The following ATP11A variants were observed in gnomAD, a reference collection of about 807,000 sequenced individuals.
The protein encoded by ATP11A is phospholipid-transporting ATPase IH.
In ATP11A, 81 loss-of-function variants were observed where a neutral mutation model predicts 154.4. The ratio of observed to expected loss-of-function variants is 0.52; its 90% CI spans 0.44 to 0.63. The LOEUF is 0.63. ATP11A is among the 30% of genes least tolerant of loss of function. The probability of loss-of-function intolerance (pLI) is 0.00; values close to 1 mark genes in which losing one functional copy is unlikely to be tolerated. For missense variants in ATP11A, 1,316 were observed against 1,474.3 expected (o/e 0.89, Z 1.76); for synonymous variants, 623 against 585.9 (o/e 1.06, Z -0.91).
At position 112,883,250 on chromosome 13, in the gene ATP11A, G is replaced by A; in HGVS notation, c.*1384G>A. On this transcript the variant is annotated 3_prime_UTR_variant, in exon 30 of 30. Coordinates refer to ENST00000375645, the MANE Select transcript of ATP11A (RefSeq NM_015205.3). Reference sequence around the variant, plus strand: ...CTCTGGGTGGGTTAGCAACCCCAGGGCTGCTGTGATAGGAAGTCCCTGTTG... The same window carrying A: ...CTCTGGGTGGGTTAGCAACCCCAGGACTGCTGTGATAGGAAGTCCCTGTTG... 1.0e-5 allele frequency: 4 copies of A among 398,704 alleles called. No individual in the cohort carries two copies. Among genetic ancestry groups the A allele is most frequent in the Non-Finnish European group, 1.8e-5 (4 of 226,132 alleles). The allele number at this position is 398,704 out of a possible 1,614,324, so 24.7% of individuals were successfully genotyped here.
At chr13:112,706,083 ACT>A (rs1202343516) in intron 1 of ATP11A, among the ~76,000 whole-genome samples, 1 of 151,852 alleles carries the variant, frequency 6.6e-6, no homozygotes, top group Non-Finnish European at 1.5e-5. Context: ...TTTGGGCAAC[ACT>A]CTTTTTTTTC....
chr13:112,709,670 C>T (rs566377096), intron 1 of ATP11A, among the ~76,000 whole-genome samples: 29 of 152,246 alleles, frequency 1.9e-4, no homozygotes, highest in African/African-American at 6.7e-4. Flanking sequence ...CCTGGAAGCC[C>T]CTCGCTTTGA....
intron 1 of ATP11A, among the ~76,000 whole-genome samples, chr13:112,691,857 C>G (rs1396476216): frequency 6.6e-6 from 1 of 151,958 alleles, no homozygotes; most frequent in East Asian, 1.9e-4. Context: ...CACCTTACAT[C>G]GTTTCCTGAT....
chr13:112,763,221 C>T (rs1214892211), intron 1 of ATP11A, among the ~76,000 whole-genome samples: 2 of 152,164 alleles, frequency 1.3e-5, no homozygotes, highest in Non-Finnish European at 2.9e-5. Flanking sequence ...TCTAAGCCCC[C>T]AACCAACGGA....
At chr13:112,819,546 CA>C in intron 7 of ATP11A, 139 bp downstream of exon 7, 1 of 694,440 alleles carries the variant, frequency 1.4e-6, no homozygotes. Context: ...AAGACTGAGT[CA>C]AAAATACATT....
rs59674549 is a variant in ATP11A, at chr13:112,885,605, C to CAT, written c.*3739_*3740insAT. Reference sequence around the variant, plus strand: ...CGTCTCCCACACGTGAGCTCCCACACGTACACATGCACATGTACGCACCAC... The same window carrying CAT: ...CGTCTCCCACACGTGAGCTCCCACACATGTACACATGCACATGTACGCACCAC... On this transcript the variant is annotated 3_prime_UTR_variant, in exon 30 of 30. Transcript: ENST00000375645. 1 allele frequency: 152,042 copies of CAT among 152,250 alleles called. 75,917 individuals carry two copies. The highest frequency in any genetic ancestry group is 1 in the Middle Eastern group (294 of 294). 9.4% of individuals were successfully genotyped at this position (152,250 alleles called of 1,614,324 possible).
chr13:112,860,559 C>T, intron 24 of ATP11A, 145 bp downstream of exon 24: 1 of 907,078 alleles, frequency 1.1e-6, no homozygotes. Flanking sequence ...TGATCAGGAG[C>T]TTGTTTAAAC....
intron 4 of ATP11A, among the ~76,000 whole-genome samples, chr13:112,809,457 C>T (rs372077965): frequency 2.6e-5 from 4 of 152,148 alleles, no homozygotes; most frequent in Admixed American, 1.3e-4. Flanking sequence ...GGAGGAGGTC[C>T]CCAGTGAGCC....
At chr13:112,819,799 A>G (rs2078746970) in intron 7 of ATP11A, 101 bp from the exon 8 acceptor site, 2 of 1,242,530 alleles carry the variant, frequency 1.6e-6, no homozygotes, top group Non-Finnish European at 2.3e-6. Flanking sequence ...GGAGCGGGCC[A>G]GGTGAAGACG....
At chr13:112,802,377 A>G (rs1030258795) in intron 2 of ATP11A, among the ~76,000 whole-genome samples, 1 of 152,028 alleles carries the variant, frequency 6.6e-6, no homozygotes, top group African/African-American at 2.4e-5. Flanking sequence ...AGACAAATAG[A>G]TCAATGAAAC....
chr13:112,694,078 G>A (rs1459910543), intron 1 of ATP11A, among the ~76,000 whole-genome samples: 11 of 152,220 alleles, frequency 7.2e-5, no homozygotes, highest in Non-Finnish European at 1.3e-4. Context: ...CAGCCTCAGC[G>A]GGTAGCTTAG....
Position 112,775,610 on chromosome 13 carries a change from A to T in ATP11A, c.40-9525A>T, listed in dbSNP as rs192110390. ...ATTTTAAATTTATTTCTGTAAGAAA[A>T]AAATTGGTTGGTACAAATATAGCAA... On this transcript the variant is annotated intron_variant, in intron 1 of 29. Transcript: ENST00000375645. Among the ~76,000 whole-genome samples the T allele has an allele frequency of 1.6e-3, 246 of 152,392 alleles. 1 individual carries two copies. Among genetic ancestry groups the T allele is most frequent in the African/African-American group, 4.2e-3 (175 of 41,592 alleles).
At chr13:112,879,906 G>C (rs2080835684) in intron 29 of ATP11A, among the ~76,000 whole-genome samples, 1 of 152,200 alleles carries the variant, frequency 6.6e-6, no homozygotes, top group Non-Finnish European at 1.5e-5. Flanking sequence ...ATATGCCCGT[G>C]CTGGCATCTC....
rs559347425 is a variant in ATP11A at position 112,779,969 on chromosome 13, CATT to C, written c.40-5164_40-5162del. 4.4e-3 allele frequency among the ~76,000 whole-genome samples: 669 copies of C among 151,828 alleles called. 7 individuals are homozygous for C. Among genetic ancestry groups the C allele is most frequent in the African/African-American group, 0.015 (625 of 41,422 alleles). ...AGGTAGTAAAGAAAATCACTTGAGT[CATT>C]AAAGCATTAAACCAAAGGCAAGCTG... On this transcript the variant is annotated intron_variant, in intron 1 of 29. Coordinates refer to ENST00000375645, the MANE Select transcript of ATP11A (RefSeq NM_015205.3).
chr13:112,809,841 A>G (rs771136480), intron 4 of ATP11A, among the ~76,000 whole-genome samples: 53 of 152,298 alleles, frequency 3.5e-4, no homozygotes, highest in Non-Finnish European at 5.0e-4. Context: ...GCTTCTTTCA[A>G]GATGCCACCT....
intron 1 of ATP11A, among the ~76,000 whole-genome samples, chr13:112,707,216 G>C (rs1330105001): frequency 6.6e-6 from 1 of 152,142 alleles, no homozygotes; most frequent in Non-Finnish European, 1.5e-5. Context: ...AGGCGTTTGA[G>C]ACCAGCCTGG....
chr13:112,832,116 G>A (rs1233214014), intron 13 of ATP11A, among the ~76,000 whole-genome samples: 5 of 151,562 alleles, frequency 3.3e-5, no homozygotes, highest in African/African-American at 7.3e-5. Context: ...CCGTGTGCAC[G>A]CACAGACACA....
At chr13:112,799,302 T>C (rs1258903927) in intron 2 of ATP11A, among the ~76,000 whole-genome samples, 3 of 152,216 alleles carry the variant, frequency 2.0e-5, no homozygotes, top group Admixed American at 6.5e-5. Flanking sequence ...TGGACCTTTA[T>C]GTCTCACGCG....
chr13:112,702,774 G>C (rs1246428420), intron 1 of ATP11A, among the ~76,000 whole-genome samples: 2 of 152,248 alleles, frequency 1.3e-5, no homozygotes, highest in African/African-American at 4.8e-5. Context: ...GGCTTTGCTT[G>C]AAGAGCGGGC....
Sources: gnomAD v4.1 joint callset for allele counts (sites outside exome capture counted in the v4.1 genomes callset) on GRCh38, gnomAD v4.1.1 for gene constraint, MANE v1.5 for transcripts, NCBI Gene and HGNC (gene_info 2026-07-23, HGNC 2026-07-21) for gene names.